Variants in UTRN observed in about 807,000 individuals in gnomAD.
UTRN encodes utrophin, also known as dystrophin-related protein 1.
UTRN carries 283 observed loss-of-function variants against 463.9 expected under a neutral mutation model. The observed-to-expected ratio is 0.61, with a 90% CI of 0.55 to 0.67. UTRN has a LOEUF of 0.67. Ranked by LOEUF, UTRN falls within the 30% of genes least tolerant of loss-of-function variation. The pLI is 0.00. For synonymous variants in UTRN, 1,442 were observed against 1,431.5 expected (o/e 1.01, Z -0.17); for missense variants, 3,922 against 4,084.3 (o/e 0.96, Z 1.08).
chr6:144,401,320 T>G (rs1014874922), intron 2 of UTRN, among the ~76,000 whole-genome samples: 4 of 152,176 alleles, frequency 2.6e-5, no homozygotes, highest in African/African-American at 7.2e-5. Flanking sequence ...AATATTAAAT[T>G]CATTTTGGTG....
At chr6:144,692,277 C>T (rs1783502464) in intron 52 of UTRN, among the ~76,000 whole-genome samples, 1 of 152,152 alleles carries the variant, frequency 6.6e-6, no homozygotes, top group Non-Finnish European at 1.5e-5. Context: ...CACAGTTTTT[C>T]AATCCAGTCT....
intron 57 of UTRN, among the ~76,000 whole-genome samples, chr6:144,756,940 C>T (rs888353993): frequency 1.3e-5 from 2 of 151,950 alleles, no homozygotes; most frequent in South Asian, 2.1e-4. Flanking sequence ...GCTTCCTTAC[C>T]GAAAACATAT....
In UTRN at chr6:144,474,726, C is replaced by A. The variant is rs750817608; in HGVS notation, c.3303C>A (p.Asp1101Glu). ...CTTGGGTGCAGACAAGACTAGGTGA[C>A]TACCAAACTCAACTGGAGAAACTTA... ...IKTWVQTRLG[D>E]YQTQLEKLSK... The change falls in exon 25 of 75, where the codon GAC becomes GAA. Residue 1101 changes from aspartate to glutamate, a missense_variant. Physicochemically the swap from Asp to Glu is conservative, Grantham distance 45. Transcript: ENST00000367545. The A allele has an allele frequency of 1.2e-6, 2 of 1,613,452 alleles. No individual in the cohort carries two copies. Among genetic ancestry groups the A allele is most frequent in the Admixed American group, 3.3e-5 (2 of 59,862 alleles).
At chr6:144,619,747 G>C (rs1775144500) in intron 51 of UTRN, among the ~76,000 whole-genome samples, 1 of 152,198 alleles carries the variant, frequency 6.6e-6, no homozygotes, top group African/African-American at 2.4e-5. Flanking sequence ...AGAAGACAAA[G>C]TTAGATGGAC....
At chr6:144,406,949 G>T (rs974143614) in intron 3 of UTRN, among the ~76,000 whole-genome samples, 1 of 151,702 alleles carries the variant, frequency 6.6e-6, no homozygotes, top group Non-Finnish European at 1.5e-5. Context: ...TTACCATCCC[G>T]GTGGGCCCTC....
chr6:144,699,568 T>C (rs1784378763), intron 52 of UTRN, among the ~76,000 whole-genome samples: 1 of 147,146 alleles, frequency 6.8e-6, no homozygotes, highest in Non-Finnish European at 1.5e-5. Context: ...AATTAGGTAT[T>C]TACTGTGCTC....
intron 2 of UTRN, among the ~76,000 whole-genome samples, chr6:144,361,584 T>G (rs1383082315): frequency 6.6e-6 from 1 of 151,752 alleles, no homozygotes; most frequent in Non-Finnish European, 1.5e-5. Flanking sequence ...TAAAAAAAAA[T>G]TATTTATTTA....
At chr6:144,730,618 T>C in intron 54 of UTRN, 132 bp downstream of exon 54, 2 of 1,100,476 alleles carry the variant, frequency 1.8e-6, no homozygotes, top group Non-Finnish European at 2.3e-6. Flanking sequence ...TGTTACTTTA[T>C]TCAAATATGT....
chr6:144,396,915 A>G (rs930921885), intron 2 of UTRN, among the ~76,000 whole-genome samples: 8 of 152,028 alleles, frequency 5.3e-5, no homozygotes, highest in Non-Finnish European at 8.8e-5. Context: ...TAAGGTGGAT[A>G]GTTTTGGTGG....
chr6:144,533,401 G>A lies in UTRN; in HGVS notation c.6233+141G>A, dbSNP rs34095417. 251,494 of 1,374,472 alleles carry A rather than the reference G, an allele frequency of 0.18. 24,117 individuals carry two copies. Among genetic ancestry groups the A allele is most frequent in the African/African-American group, 0.29 (19,799 of 67,458 alleles). 85.1% of individuals were successfully genotyped at this position (1,374,472 alleles called of 1,614,324 possible). A position where few individuals can be genotyped will look rare whatever the true frequency, so the allele number is the denominator to read the frequency against. ...GACATTTAAGACCTCCACTGCCCACGTTCTCCCTTCCTGTATTTTTAGGCT... is the reference window on the plus strand; with the variant it reads ...GACATTTAAGACCTCCACTGCCCACATTCTCCCTTCCTGTATTTTTAGGCT... On this transcript the variant is annotated intron_variant, in intron 43 of 74. Transcript: ENST00000367545.
chr6:144,376,469 G>A (rs1417117793), intron 2 of UTRN, among the ~76,000 whole-genome samples: 3 of 148,972 alleles, frequency 2.0e-5, no homozygotes, highest in Admixed American at 6.7e-5. Context: ...AAAAAAAAAA[G>A]TTTTTTGTAG....
chr6:144,344,127 A>G, intron 2 of UTRN: 2 of 1,213,710 alleles, frequency 1.6e-6, no homozygotes, highest in Non-Finnish European at 2.1e-6. Flanking sequence ...ATAACACAGG[A>G]CATCCCAGTG....
At chr6:144,485,283 C>A in intron 27 of UTRN, 102 bp from the exon 28 acceptor site, 1 of 1,497,634 alleles carries the variant, frequency 6.7e-7, no homozygotes, top group Non-Finnish European at 9.1e-7. Context: ...TAGGTATACT[C>A]ACATCCAAAT....
At chr6:144,682,909 T>C (rs1377267291) in intron 52 of UTRN, among the ~76,000 whole-genome samples, 1 of 152,178 alleles carries the variant, frequency 6.6e-6, no homozygotes. Context: ...ACCTCTTTGT[T>C]TGGCACTAAT....
At chr6:144,406,485 G>T (rs1159322451) in intron 3 of UTRN, among the ~76,000 whole-genome samples, 1 of 151,100 alleles carries the variant, frequency 6.6e-6, no homozygotes, top group Non-Finnish European at 1.5e-5. Context: ...TCCTGCCTCA[G>T]CCTCCCTAGT....
intron 65 of UTRN, among the ~76,000 whole-genome samples, chr6:144,807,066 G>A (rs896472728): frequency 6.6e-6 from 1 of 152,110 alleles, no homozygotes; most frequent in Non-Finnish European, 1.5e-5. Context: ...ACACTTGAGT[G>A]TTAAATGGAT....
intron 49 of UTRN, among the ~76,000 whole-genome samples, chr6:144,556,363 C>G (rs942596053): frequency 1.3e-5 from 2 of 150,916 alleles, no homozygotes; most frequent in East Asian, 3.9e-4. Context: ...CAAATGACTC[C>G]CAAGTAATAG....
intron 64 of UTRN, among the ~76,000 whole-genome samples, chr6:144,800,063 C>CATATATAGATATATATA (rs950869212): frequency 6.6e-6 from 1 of 152,086 alleles, no homozygotes; most frequent in Non-Finnish European, 1.5e-5. Flanking sequence ...AAGAGACTGC[C>CATATATAGATATATATA]ATATATAGAT....
intron 12 of UTRN, among the ~76,000 whole-genome samples, chr6:144,439,592 A>G (rs1786926557): frequency 6.6e-6 from 1 of 152,098 alleles, no homozygotes; most frequent in African/African-American, 2.4e-5. Context: ...TCCTGGGTTC[A>G]AGTGATTCTC....
Sources: allele counts gnomAD v4.1 joint callset (sites outside exome capture counted in the v4.1 genomes callset), GRCh38; gene constraint gnomAD v4.1.1; transcripts MANE v1.5; gene names NCBI Gene and HGNC (gene_info 2026-07-23, HGNC 2026-07-21).